Variants in TOPBP1 observed in about 807,000 individuals in gnomAD.
The protein encoded by TOPBP1 is DNA topoisomerase 2-binding protein 1.
TOPBP1 carries 28 observed loss-of-function variants against 167.7 expected under a neutral mutation model. That is an observed-to-expected ratio of 0.17 (90% CI 0.12 to 0.23). The LOEUF is 0.23. Ranked by LOEUF, TOPBP1 falls within the 10% of genes least tolerant of loss-of-function variation. The pLI, the probability that TOPBP1 is intolerant of heterozygous loss-of-function variation, is 1.00. For synonymous variants in TOPBP1, 598 were observed against 611.4 expected, an observed-to-expected ratio of 0.98 and a Z score of 0.32; for missense variants, 1,554 against 1,809.6, an observed-to-expected ratio of 0.86 and a Z score of 2.56.
intron 23 of TOPBP1, among the ~76,000 whole-genome samples, chr3:133,615,071 A>T (rs1934819567): frequency 6.8e-6 from 1 of 146,808 alleles, no homozygotes. Context: ...ATTTGACATA[A>T]ATCTTTTTTT....
Position 133,623,368 on chromosome 3 carries a change from A to C in TOPBP1, c.3018T>G (p.Asp1006Glu), listed in dbSNP as rs766801940. 3 of 1,613,644 alleles carry C rather than the reference A, an allele frequency of 1.9e-6. No homozygotes were observed. Among genetic ancestry groups the C allele is most frequent in the Non-Finnish European group, 2.5e-6 (3 of 1,179,748 alleles). The change falls in exon 18 of 28, where the codon GAT becomes GAG. Residue 1006 changes from aspartate to glutamate, a missense_variant. Asp to Glu is a conservative substitution (Grantham distance 45). Transcript: ENST00000260810. ...KMSLDISAVQ[D>E]GRLCNSRLLS... The stretch of plus-strand genomic sequence containing the variant: ...GTAGTCGACTATTACAGAGCCGGCC[A>C]TCTTGCACTGCGCTGATATCCAAGC...
At chr3:133,603,031 G>A (rs1454575869) in intron 27 of TOPBP1, among the ~76,000 whole-genome samples, 2 of 151,874 alleles carry the variant, frequency 1.3e-5, no homozygotes, top group Non-Finnish European at 2.9e-5. Context: ...AAGCAGCTGG[G>A]ATTACAGGTG....
rs113275889 is a variant in TOPBP1 at position 133,635,638 on chromosome 3, G to C, written c.2520+2238C>G. On this transcript the variant is annotated intron_variant, in intron 14 of 27. Transcript: ENST00000260810. ...AAGTGAAATAAAACAACTTATAATA[G>C]CAAGTATCAGCAAAGATGAGGAACA... 2.6e-4 allele frequency among the ~76,000 whole-genome samples: 39 copies of C among 152,114 alleles called. 1 individual carries two copies. The highest frequency in any genetic ancestry group is 5.0e-4 in the Non-Finnish European group (34 of 68,020).
intron 25 of TOPBP1, among the ~76,000 whole-genome samples, chr3:133,609,837 C>T (rs1443863743): frequency 6.6e-6 from 1 of 152,152 alleles, no homozygotes; most frequent in South Asian, 2.1e-4. Context: ...AGCGTGAGAA[C>T]GAACTAATAC....
intron 14 of TOPBP1, among the ~76,000 whole-genome samples, chr3:133,629,767 T>TTA (rs1352093249): frequency 6.6e-6 from 1 of 151,768 alleles, no homozygotes; most frequent in Non-Finnish European, 1.5e-5. Context: ...TTAAATATCT[T>TTA]TATATGTGTG....
intron 27 of TOPBP1, 128 bp from the exon 28 acceptor site, chr3:133,601,521 T>C (rs1049641697): frequency 6.9e-6 from 5 of 726,840 alleles, no homozygotes; most frequent in East Asian, 6.3e-5. Flanking sequence ...AAAACGCATA[T>C]TCATTCCTAG....
At chr3:133,650,365 G>A (rs914302770) in intron 8 of TOPBP1, among the ~76,000 whole-genome samples, 1 of 111,598 alleles carries the variant, frequency 9.0e-6, no homozygotes, top group Admixed American at 1.1e-4. Flanking sequence ...GTGTGTGTGT[G>A]GGGGGCGGGG....
chr3:133,640,218 C>G (rs980583741), intron 12 of TOPBP1, 48 bp from the exon 13 acceptor site: 8 of 1,502,822 alleles, frequency 5.3e-6, no homozygotes, highest in Non-Finnish European at 7.3e-6. Context: ...ATACAATTAA[C>G]CCGCAAAACT....
chr3:133,601,323 A>G lies in TOPBP1; in HGVS notation c.4496T>C (p.Leu1499Pro), dbSNP rs370080430. ...CCTCTTTTGTGATAATCCAGTCCCAAGTTCCTTATTATTCTGAATAAATGA... is the reference window on the plus strand; with the variant it reads ...CCTCTTTTGTGATAATCCAGTCCCAGGTTCCTTATTATTCTGAATAAATGA... ...AISFIQNNKE[L>P]GTGLSQKRKA... Residue 1499 changes from leucine to proline, a missense_variant, in exon 28 of 28, where the codon CTT (leucine) becomes CCT (proline). Physicochemically the swap from Leu to Pro is moderately conservative, Grantham distance 98 (BLOSUM62 -3). Around this residue, in one of 3 missense-constraint regions of TOPBP1, gnomAD observed 351 missense variants for 432.9 expected, o/e 0.81. Transcript: ENST00000260810. 4.4e-5 allele frequency: 71 copies of G among 1,601,976 alleles called. No homozygotes were observed. The highest frequency in any genetic ancestry group is 5.8e-5 in the Non-Finnish European group (68 of 1,174,538).
At chr3:133,657,623 T>C (rs1228973981) in intron 4 of TOPBP1, among the ~76,000 whole-genome samples, 175 bp downstream of exon 4, 1 of 152,210 alleles carries the variant, frequency 6.6e-6, no homozygotes, top group African/African-American at 2.4e-5. Context: ...CTATATTCAA[T>C]TTACTTAAAA....
intron 2 of TOPBP1, among the ~76,000 whole-genome samples, chr3:133,660,538 G>A (rs1936660831): frequency 6.6e-6 from 1 of 152,234 alleles, no homozygotes; most frequent in Non-Finnish European, 1.5e-5. Context: ...TGTTAGAAAT[G>A]CAGATTCTAA....
chr3:133,649,062 A>G lies in TOPBP1; in HGVS notation c.1504+321T>C, dbSNP rs190142337. Reference sequence around the variant, plus strand: ...AGTACAGTTTCATGCATTAAAGACCACAATAATCCAGTAAGAGGTATTTGT... The same window carrying G: ...AGTACAGTTTCATGCATTAAAGACCGCAATAATCCAGTAAGAGGTATTTGT... On this transcript the variant is annotated intron_variant, in intron 10 of 27. Coordinates refer to ENST00000260810, the MANE Select transcript of TOPBP1 (RefSeq NM_007027.4). Among the ~76,000 whole-genome samples, 268 of 152,330 alleles carry G rather than the reference A, an allele frequency of 1.8e-3. 1 individual carries two copies. Among genetic ancestry groups the G allele is most frequent in the Non-Finnish European group, 3.2e-3 (221 of 68,032 alleles).
chr3:133,612,941 C>T (rs1175081172), intron 23 of TOPBP1, among the ~76,000 whole-genome samples: 1 of 152,060 alleles, frequency 6.6e-6, no homozygotes, highest in Admixed American at 6.5e-5. Flanking sequence ...GATCTTGGCT[C>T]ACCACAACCT....
intron 23 of TOPBP1, among the ~76,000 whole-genome samples, chr3:133,613,199 T>C (rs1251463509): frequency 6.6e-6 from 1 of 152,186 alleles, no homozygotes; most frequent in African/African-American, 2.4e-5. Flanking sequence ...GATACCATGT[T>C]ACTGACCCCT....
In TOPBP1 at chr3:133,600,636, C is replaced by CTT. The variant is rs1934257558; in HGVS notation, c.*613_*614insAA. 1 of 152,672 alleles carries CTT rather than the reference C, an allele frequency of 6.5e-6. No individual in the cohort carries two copies. Among genetic ancestry groups the CTT allele is most frequent in the Non-Finnish European group, 1.5e-5 (1 of 68,058 alleles). 9.5% of individuals were successfully genotyped at this position (152,672 alleles called of 1,614,324 possible). Reference sequence around the variant, plus strand: ...TTTAAAAAATTTATCTATGTAAACACATCTTAATACTAATTTGAGTTACTA... The same window carrying CTT: ...TTTAAAAAATTTATCTATGTAAACACTTATCTTAATACTAATTTGAGTTACTA... On this transcript the variant is annotated 3_prime_UTR_variant, in exon 28 of 28. Transcript: ENST00000260810.
chr3:133,637,756 C>T (rs1935727018), intron 14 of TOPBP1, 120 bp downstream of exon 14: 1 of 1,044,716 alleles, frequency 9.6e-7, no homozygotes, highest in Admixed American at 2.8e-5. Context: ...TAACATAAAT[C>T]TACTTGCCAA....
intron 19 of TOPBP1, 89 bp from the exon 20 acceptor site, chr3:133,620,436 C>T: frequency 2.3e-6 from 3 of 1,322,940 alleles, no homozygotes; most frequent in Non-Finnish European, 3.1e-6. Context: ...CCTGGTTGAA[C>T]ACAAACTTAT....
chr3:133,637,950 G>A lies in TOPBP1; in HGVS notation c.2446C>T (p.Pro816Ser). Residue 816 changes from proline to serine, a missense_variant, in exon 14 of 28, where the codon CCC becomes TCC. Physicochemically the swap from Pro to Ser is moderately conservative, Grantham distance 74 (BLOSUM62 -1). Around this residue, in one of 3 missense-constraint regions of TOPBP1, gnomAD observed 1,197 missense variants for 1,351.5 expected, o/e 0.89. Transcript: ENST00000260810. ...PAVGQPLQKE[P>S]SLHLDTPSKF... is the part of the protein sequence containing the mutation. ...GATGGTGTATCCAGGTGTAACGAGG[G>A]CTCCTTCTGAAGTGGTTGTCCTACT... The A allele has an allele frequency of 1.2e-6, 2 of 1,613,960 alleles. No homozygotes were observed. Among genetic ancestry groups the A allele is most frequent in the Non-Finnish European group, 1.7e-6 (2 of 1,179,872 alleles).
chr3:133,649,338 A>G (rs1488314117), intron 10 of TOPBP1, 45 bp downstream of exon 10: 1 of 1,582,686 alleles, frequency 6.3e-7, no homozygotes, highest in Non-Finnish European at 8.6e-7. Context: ...TTAGGCTACT[A>G]AAATATTTCT....
Sources: allele counts gnomAD v4.1 joint callset (sites outside exome capture counted in the v4.1 genomes callset), GRCh38; gene constraint gnomAD v4.1.1; regional missense constraint gnomAD v4.1.1; transcripts MANE v1.5; gene names NCBI Gene and HGNC (gene_info 2026-07-23, HGNC 2026-07-21).